SLC35F3: variants seen among roughly 807,000 people sequenced by gnomAD.
The protein encoded by SLC35F3 is putative thiamine transporter SLC35F3.
A neutral mutation model predicts 49.9 loss-of-function variants in SLC35F3; 25 were observed. The ratio of observed to expected loss-of-function variants is 0.50; its 90% CI spans 0.37 to 0.70. The LOEUF is 0.70. Ranked by LOEUF, SLC35F3 falls within the 30% of genes least tolerant of loss-of-function variation. SLC35F3 has a pLI of 0.00. For synonymous variants in SLC35F3, 275 were observed against 265.4 expected (o/e 1.04, Z -0.35); for missense variants, 525 against 639.8 (o/e 0.82, Z 1.94).
At chr1:234,200,177 C>T (rs1465210177) in intron 2 of SLC35F3, among the ~76,000 whole-genome samples, 3 of 152,112 alleles carry the variant, frequency 2.0e-5, no homozygotes, top group Non-Finnish European at 4.4e-5. Flanking sequence ...AAAAAAATGT[C>T]TGTGTTCTCA....
intron 2 of SLC35F3, among the ~76,000 whole-genome samples, chr1:234,013,108 A>G (rs989781438): frequency 3.3e-5 from 5 of 152,256 alleles, no homozygotes; most frequent in Admixed American, 1.3e-4. Context: ...GAATAAATTT[A>G]AGAGGATTCA....
intron 2 of SLC35F3, among the ~76,000 whole-genome samples, chr1:233,941,629 C>G (rs1446970418): frequency 6.6e-6 from 1 of 152,166 alleles, no homozygotes; most frequent in Non-Finnish European, 1.5e-5. Flanking sequence ...CTGAAACACA[C>G]AAATGATTGT....
intron 2 of SLC35F3, among the ~76,000 whole-genome samples, chr1:234,227,708 C>T (rs1019660204): frequency 6.6e-6 from 1 of 152,198 alleles, no homozygotes; most frequent in South Asian, 2.1e-4. Flanking sequence ...GGCACTGCCT[C>T]TTTCAACTGT....
At chr1:234,237,167 A>G (rs1354166375) in intron 3 of SLC35F3, among the ~76,000 whole-genome samples, 2 of 151,858 alleles carry the variant, frequency 1.3e-5, no homozygotes, top group South Asian at 2.1e-4. Flanking sequence ...GCTGCTTTCA[A>G]AAGTAGGATT....
chr1:234,266,873 G>GTTTTTTTTTTTTTTTTTTTTTTTTTT (rs34040004), intron 3 of SLC35F3, among the ~76,000 whole-genome samples: 1 of 108,638 alleles, frequency 9.2e-6, no homozygotes, highest in Non-Finnish European at 1.8e-5. Context: ...GAAGCACATG[G>GTTTTTTTTTTTTTTTTTTTTTTTTTT]TTTTTTTTTT....
intron 2 of SLC35F3, among the ~76,000 whole-genome samples, chr1:234,049,278 C>T (rs955329200): frequency 3.3e-5 from 5 of 152,084 alleles, no homozygotes; most frequent in Admixed American, 6.6e-5. Flanking sequence ...AAGAGTGCTG[C>T]CCTGATCCAA....
chr1:234,038,460 G>A (rs1021447850), intron 2 of SLC35F3, among the ~76,000 whole-genome samples: 18 of 151,766 alleles, frequency 1.2e-4, no homozygotes, highest in African/African-American at 4.4e-4. Context: ...ATGATTTATA[G>A]TCCTTTGGGT....
chr1:234,169,179 C>G (rs1666361818), intron 2 of SLC35F3, among the ~76,000 whole-genome samples: 1 of 152,174 alleles, frequency 6.6e-6, no homozygotes, highest in African/African-American at 2.4e-5. Context: ...CTATTCCAGC[C>G]TTCGGTGGAT....
chr1:234,245,125 C>A (rs1335461103), intron 3 of SLC35F3, among the ~76,000 whole-genome samples: 2 of 152,168 alleles, frequency 1.3e-5, no homozygotes, highest in African/African-American at 2.4e-5. Flanking sequence ...CCTCTACCAC[C>A]ACCTACCTTT....
chr1:234,098,498 A>G (rs1665162288), intron 2 of SLC35F3, among the ~76,000 whole-genome samples: 1 of 142,910 alleles, frequency 7.0e-6, no homozygotes, highest in South Asian at 2.2e-4. Flanking sequence ...TGGTGGTGGC[A>G]GTTCGGATGG....
chr1:234,162,500 T>C (rs1666244433), intron 2 of SLC35F3, among the ~76,000 whole-genome samples: 1 of 150,624 alleles, frequency 6.6e-6, no homozygotes, highest in Non-Finnish European at 1.5e-5. Context: ...GAAGGCTGTC[T>C]CTCCTGTATA....
intron 2 of SLC35F3, among the ~76,000 whole-genome samples, chr1:234,161,976 T>C (rs1005267430): frequency 2.6e-5 from 4 of 152,212 alleles, no homozygotes; most frequent in Admixed American, 2.6e-4. Flanking sequence ...CCTGCCCCAG[T>C]TCGTATCTAA....
At chr1:234,247,611 A>G (rs79060251) in intron 3 of SLC35F3, among the ~76,000 whole-genome samples, 34 of 143,550 alleles carry the variant, frequency 2.4e-4, no homozygotes, top group South Asian at 1.1e-3. Flanking sequence ...TGGCTGGTCT[A>G]TTGTTCAGTA....
Position 234,309,368 on chromosome 1 carries a change from C to G in SLC35F3, c.828+48C>G, listed in dbSNP as rs535921872. On this transcript the variant is annotated intron_variant, in intron 4 of 7. Coordinates refer to ENST00000366618, the MANE Select transcript of SLC35F3 (RefSeq NM_173508.4). ...TCCTCCCTCACTCAGTCATGTCAACCAAAACCTGCCCATCGGCTTGCTTAG... is the reference window on the plus strand; with the variant it reads ...TCCTCCCTCACTCAGTCATGTCAACGAAAACCTGCCCATCGGCTTGCTTAG... 20 of 1,539,062 alleles carry G rather than the reference C, an allele frequency of 1.3e-5. No homozygotes were observed. The South Asian group carries it at 2.1e-4, about 17-fold the overall frequency.
chr1:233,906,356 G>A (rs937592109), intron 2 of SLC35F3, among the ~76,000 whole-genome samples: 1 of 152,174 alleles, frequency 6.6e-6, no homozygotes, highest in Non-Finnish European at 1.5e-5. Context: ...TTGGTGTCAG[G>A]TGGAGAAGCT....
intron 2 of SLC35F3, among the ~76,000 whole-genome samples, chr1:233,909,979 G>A (rs377056931): frequency 2.0e-5 from 3 of 152,182 alleles, no homozygotes; most frequent in Non-Finnish European, 4.4e-5. Flanking sequence ...AGGATGGCCA[G>A]ATCGAGTAAT....
At chr1:234,228,347 C>T (rs1667318887) in intron 2 of SLC35F3, among the ~76,000 whole-genome samples, 2 of 152,204 alleles carry the variant, frequency 1.3e-5, no homozygotes, top group South Asian at 4.1e-4. Context: ...GCACACTGGC[C>T]ACGCTCTCTG....
intron 2 of SLC35F3, among the ~76,000 whole-genome samples, chr1:234,223,803 A>T (rs538704107): frequency 7.9e-5 from 12 of 152,060 alleles, no homozygotes; most frequent in Non-Finnish European, 1.8e-4. Context: ...AAAAAAGGAC[A>T]TTTTTTTACT....
intron 2 of SLC35F3, among the ~76,000 whole-genome samples, chr1:233,915,627 C>T (rs1661956819): frequency 6.6e-6 from 1 of 152,092 alleles, no homozygotes. Flanking sequence ...CTGTTTCACG[C>T]TGCTAATAAA....
Sources: gnomAD v4.1 joint callset for allele counts (sites outside exome capture counted in the v4.1 genomes callset) on GRCh38, gnomAD v4.1.1 for gene constraint, MANE v1.5 for transcripts, NCBI Gene and HGNC (gene_info 2026-07-23, HGNC 2026-07-21) for gene names.